The following NRG1 variants were observed in gnomAD, a reference collection of about 807,000 sequenced individuals.
The protein encoded by NRG1 is neuregulin 1, also known as pro-neuregulin-1, membrane-bound isoform.
NRG1 carries 18 observed loss-of-function variants against 63.8 expected under a neutral mutation model. That is an observed-to-expected ratio of 0.28 (90% CI 0.19 to 0.42). The LOEUF (loss-of-function observed/expected upper bound fraction) is 0.42, where lower values mean the gene tolerates loss of function less well. Ranked by LOEUF, NRG1 falls within the 10% of genes least tolerant of loss-of-function variation. The pLI is 1.00. For synonymous variants in NRG1, 302 were observed against 301.3 expected, an observed-to-expected ratio of 1.00 and a Z score of -0.02; for missense variants, 762 against 814.7, an observed-to-expected ratio of 0.94 and a Z score of 0.79.
chr8:31,786,844 T>C (rs7817052), intron 1 of NRG1, among the ~76,000 whole-genome samples: 32,961 of 152,100 alleles, frequency 0.22, 3,960 homozygotes, highest in Middle Eastern at 0.25. Flanking sequence ...ACCCAGAAGC[T>C]CTCTGAACCC....
At chr8:31,860,122 G>C (rs1188955687) in intron 1 of NRG1, among the ~76,000 whole-genome samples, 2 of 152,182 alleles carry the variant, frequency 1.3e-5, no homozygotes, top group African/African-American at 4.8e-5. Context: ...AGCTGAGAGA[G>C]AGCTTCCATA....
At chr8:32,733,900 G>A (rs940748135) in intron 6 of NRG1, among the ~76,000 whole-genome samples, 1 of 152,210 alleles carries the variant, frequency 6.6e-6, no homozygotes, top group African/African-American at 2.4e-5. Flanking sequence ...GGAAGGCATT[G>A]TGGTTGTAGG....
At chr8:32,224,229 A>G (rs896262020) in intron 1 of NRG1, among the ~76,000 whole-genome samples, 4 of 152,180 alleles carry the variant, frequency 2.6e-5, no homozygotes, top group African/African-American at 9.7e-5. Context: ...CAGTAACTTA[A>G]TAACAACCAA....
At chr8:32,328,168 CATTT>C (rs936491502) in intron 1 of NRG1, among the ~76,000 whole-genome samples, 19 of 152,168 alleles carry the variant, frequency 1.2e-4, no homozygotes, top group Middle Eastern at 6.8e-3. Flanking sequence ...ATCGCACTCA[CATTT>C]ATCTCACAGA....
At chr8:32,112,870 T>C (rs886240386) in intron 1 of NRG1, among the ~76,000 whole-genome samples, 2 of 152,150 alleles carry the variant, frequency 1.3e-5, no homozygotes, top group Admixed American at 1.3e-4. Context: ...TTTTCTGAAA[T>C]CCACAGTAAG....
intron 5 of NRG1, chr8:32,647,445 C>T: frequency 1.0e-6 from 1 of 985,360 alleles, no homozygotes; most frequent in Non-Finnish European, 1.2e-6. Context: ...CTTGACGAGC[C>T]CGGGATGGTT....
intron 5 of NRG1, among the ~76,000 whole-genome samples, chr8:32,696,656 CTTTTTTTTTTT>C (rs143232293): frequency 1.2e-5 from 1 of 86,602 alleles, no homozygotes; most frequent in African/African-American, 4.3e-5. Context: ...TATAATCTAT[CTTTTTTTTTTT>C]TTTTTTTTTT....
rs1290189899 is a variant in NRG1, at chr8:32,595,817, T to C, written c.101-11T>C. 6.2e-7 allele frequency: 1 copy of C among 1,600,532 alleles called. No homozygotes were observed. The highest frequency in any genetic ancestry group is 1.4e-5 in the African/African-American group (1 of 73,766). On this transcript the variant is annotated splice_polypyrimidine_tract_variant and intron_variant, in intron 1 of 11. Coordinates refer to ENST00000356819, the Ensembl canonical transcript of NRG1. ...ATCAGAGTTGTTTTTCATTCTCTTTTCTTCTTTTAGCCTTGCCTCCCCGAT... is the reference window on the plus strand; with the variant it reads ...ATCAGAGTTGTTTTTCATTCTCTTTCCTTCTTTTAGCCTTGCCTCCCCGAT...
chr8:32,374,131 G>A (rs189051251), intron 1 of NRG1, among the ~76,000 whole-genome samples: 8 of 152,182 alleles, frequency 5.3e-5, no homozygotes, highest in East Asian at 3.9e-4. Context: ...CTCATTTTAC[G>A]GGTGACAAGT....
chr8:31,809,322 C>T lies in NRG1; in HGVS notation c.37+169891C>T, dbSNP rs1387292979. On this transcript the variant is annotated intron_variant, in intron 1 of 10. Coordinates refer to the NRG1 transcript ENST00000519301. ...TATCTTTTCCTTCAGTTTTTTTTTTCTCTCTCTCTCTCCATATATATATAT... is the reference window on the plus strand; with the variant it reads ...TATCTTTTCCTTCAGTTTTTTTTTTTTCTCTCTCTCTCCATATATATATAT... 3.0e-4 allele frequency among the ~76,000 whole-genome samples: 39 copies of T among 129,856 alleles called. 1 individual carries two copies. Among genetic ancestry groups the T allele is most frequent in the Middle Eastern group, 8.7e-3 (2 of 230 alleles). The allele number at this position is 129,856 out of a possible 152,430, so 85.2% of individuals were successfully genotyped here.
chr8:32,717,407 G>A (rs1240021056), intron 5 of NRG1, among the ~76,000 whole-genome samples: 2 of 152,010 alleles, frequency 1.3e-5, no homozygotes, highest in Admixed American at 6.6e-5. Flanking sequence ...AATTTGTACT[G>A]GAAACCTAAC....
At chr8:32,493,100 A>T (rs1826793724) in intron 1 of NRG1, among the ~76,000 whole-genome samples, 1 of 152,150 alleles carries the variant, frequency 6.6e-6, no homozygotes, top group Non-Finnish European at 1.5e-5. Context: ...TACCGTGCTT[A>T]CCCAAATGGA....
chr8:32,640,620 G>A (rs886917643), intron 5 of NRG1, among the ~76,000 whole-genome samples: 124 of 132,284 alleles, frequency 9.4e-4, no homozygotes, highest in South Asian at 2.4e-3. Context: ...TCTCAGACCC[G>A]CACACACACA....
intron 1 of NRG1, 86 bp downstream of exon 1, chr8:32,548,912 T>A: frequency 7.0e-7 from 1 of 1,422,394 alleles, no homozygotes; most frequent in Non-Finnish European, 9.3e-7. Flanking sequence ...GGCCTCTCCC[T>A]CCCCCTCTCC....
chr8:31,767,010 T>C (rs1818135427), intron 1 of NRG1, among the ~76,000 whole-genome samples: 1 of 152,202 alleles, frequency 6.6e-6, no homozygotes, highest in African/African-American at 2.4e-5. Flanking sequence ...GAGAGACTGT[T>C]TTATAAAAGT....
intron 1 of NRG1, among the ~76,000 whole-genome samples, chr8:31,643,688 G>A (rs901579522): frequency 5.3e-5 from 8 of 152,134 alleles, no homozygotes; most frequent in Non-Finnish European, 7.3e-5. Context: ...CTCACTGAAC[G>A]ACCTAAGAAA....
intron 11 of NRG1, chr8:32,763,489 A>T: frequency 8.5e-7 from 1 of 1,179,350 alleles, no homozygotes; most frequent in Non-Finnish European, 1.2e-6. Flanking sequence ...AATTGTGATG[A>T]GATTGAAAAT....
chr8:32,756,521 C>G (rs906243647), exon 9 of NRG1: 1 of 1,611,518 alleles, frequency 6.2e-7, no homozygotes, highest in Non-Finnish European at 8.5e-7. Flanking sequence ...GAATGTCCAG[C>G]TGGTGAATGT....
At chr8:32,451,719 G>T (rs1329706432) in intron 1 of NRG1, among the ~76,000 whole-genome samples, 1 of 152,186 alleles carries the variant, frequency 6.6e-6, no homozygotes, top group East Asian at 1.9e-4. Context: ...TTGGAACAGG[G>T]TCACTGGAAA....
Sources: gnomAD v4.1 joint callset for allele counts (sites outside exome capture counted in the v4.1 genomes callset) on GRCh38, gnomAD v4.1.1 for gene constraint, MANE v1.5 for transcripts, NCBI Gene and HGNC (gene_info 2026-07-23, HGNC 2026-07-21) for gene names.